FZD7: variants seen among roughly 807,000 people sequenced by gnomAD.
The protein encoded by FZD7 is frizzled-7.
Under a neutral mutation model 39.0 loss-of-function variants are expected in FZD7, and 21 were observed. The ratio of observed to expected loss-of-function variants is 0.54; its 90% confidence interval spans 0.38 to 0.78. The LOEUF (loss-of-function observed/expected upper bound fraction) is 0.78. Among genes scored for constraint, FZD7 ranks in the 30% least tolerant of loss-of-function variants. The probability of loss-of-function intolerance (pLI) is 0.00; values close to 1 mark genes in which losing one functional copy is unlikely to be tolerated. For synonymous variants in FZD7, 428 were observed against 364.9 expected (o/e 1.17, Z -1.97); for missense variants, 695 against 805.0 (o/e 0.86, Z 1.65).
chr2:202,035,986 C>T lies in FZD7; in HGVS notation c.1339C>T (p.Leu447Phe), dbSNP rs1370906276. 2.5e-6 allele frequency: 4 copies of T among 1,614,216 alleles called. No homozygotes were observed. The highest frequency in any genetic ancestry group is 3.4e-6 in the Non-Finnish European group (4 of 1,180,050). The change falls in exon 1 of 1, where the codon CTC becomes TTC. Residue 447 changes from leucine (L) to phenylalanine (F), a missense_variant. By Grantham distance (22) the Leu-to-Phe change is conservative. Transcript: ENST00000286201. ...TSFLLAGFVSLFRIRTIMKHD... is the reference protein window; with the variant it reads ...TSFLLAGFVSFFRIRTIMKHD... Reference sequence around the variant, plus strand: ...CTTCTTGCTGGCCGGCTTCGTGTCCCTCTTCCGTATCCGCACCATCATGAA... The same window carrying T: ...CTTCTTGCTGGCCGGCTTCGTGTCCTTCTTCCGTATCCGCACCATCATGAA...
At position 202,035,300 on chromosome 2, in the gene FZD7, C is replaced by T. The variant is rs1396791730; in HGVS notation, c.653C>T (p.Pro218Leu). 10 of 1,609,202 alleles carry T rather than the reference C, an allele frequency of 6.2e-6. No homozygotes were observed. Among genetic ancestry groups the T allele is most frequent in the Middle Eastern group, 1.7e-4 (1 of 6,056 alleles). The change falls in exon 1 of 1, where the codon CCG becomes CTG. Residue 218 changes from proline to leucine, a missense_variant. Pro to Leu is a moderately conservative substitution (Grantham distance 98). Transcript: ENST00000286201. ...TGCCCCCGTCAGCTCAAGGTGCCCC[C>T]GTACCTGGGCTACCGCTTCCTGGGT... ...FSCPRQLKVPPYLGYRFLGER... is the reference protein window; with the variant it reads ...FSCPRQLKVPLYLGYRFLGER...
rs1688779359 is a variant in FZD7, at chr2:202,038,314, C to T, written c.*1942C>T. ...ACAGTATGTATATTTTGTAAATCTC[C>T]CATTTTTGTAAGAAAATATATATTG... is the stretch of plus-strand genomic sequence containing the variant. On this transcript the variant is annotated 3_prime_UTR_variant, in exon 1 of 1. Transcript: ENST00000286201. 6.0e-6 allele frequency: 1 copy of T among 166,822 alleles called. No individual in the cohort carries two copies. Among genetic ancestry groups the T allele is most frequent in the African/African-American group, 2.4e-5 (1 of 41,416 alleles). The allele number at this position is 166,822 out of a possible 1,614,324, so 10.3% of individuals were successfully genotyped here. A position where few individuals can be genotyped will look rare whatever the true frequency, so the allele number is the denominator to read the frequency against.
chr2:202,036,240 G>A lies in FZD7; in HGVS notation c.1593G>A (p.Met531Ile), dbSNP rs1190426799. 1 of 1,613,366 alleles carries A rather than the reference G, an allele frequency of 6.2e-7. No individual in the cohort carries two copies. ...PPMSPDFTVF[M>I]IKYLMTMIVG... is the part of the protein sequence containing the mutation. ...TGAGCCCCGACTTCACCGTCTTCATGATCAAGTACCTGATGACCATGATCG... is the reference window on the plus strand; with the variant it reads ...TGAGCCCCGACTTCACCGTCTTCATAATCAAGTACCTGATGACCATGATCG... The change falls in exon 1 of 1, where the codon ATG (methionine) becomes ATA (isoleucine). Residue 531 changes from methionine to isoleucine, a missense_variant. Transcript: ENST00000286201.
Position 202,035,285 on chromosome 2 carries a change from A to T in FZD7, c.638A>T (p.Gln213Leu). The T allele has an allele frequency of 1.2e-6, 2 of 1,607,554 alleles. No homozygotes were observed. The highest frequency in any genetic ancestry group is 1.7e-6 in the Non-Finnish European group (2 of 1,179,182). Residue 213 changes from glutamine to leucine, a missense_variant, in exon 1 of 1, where the codon CAG (glutamine) becomes CTG (leucine). By Grantham distance (113) the Gln-to-Leu change is moderately radical. Coordinates refer to ENST00000286201, the MANE Select transcript of FZD7 (RefSeq NM_003507.2). ...RPAFPFSCPR[Q>L]LKVPPYLGYR... ...GCCTTCCCCTTCTCATGCCCCCGTC[A>T]GCTCAAGGTGCCCCCGTACCTGGGC...
In FZD7 at chr2:202,036,398, AC is replaced by A; in HGVS notation, c.*30del. 6.4e-7 allele frequency: 1 copy of A among 1,550,834 alleles called. No homozygotes were observed. Among genetic ancestry groups the A allele is most frequent in the Non-Finnish European group, 8.8e-7 (1 of 1,136,890 alleles). On this transcript the variant is annotated 3_prime_UTR_variant, in exon 1 of 1. Coordinates refer to ENST00000286201, the MANE Select transcript of FZD7 (RefSeq NM_003507.2). ...GCCCCGGCCCCTCCCCACCTTTCCC[AC>A]CCCAGCCCTCTTGCAAGAGGAGAGG...
Position 202,036,358 on chromosome 2 carries a change from G to GA in FZD7, c.1712dup (p.Thr572AspfsTer45), listed in dbSNP as rs1291292693. The GA allele has an allele frequency of 6.2e-7, 1 of 1,611,148 alleles. No individual in the cohort carries two copies. The highest frequency in any genetic ancestry group is 1.3e-5 in the African/African-American group (1 of 74,898). On this transcript the variant is annotated frameshift_variant, in exon 1 of 1. Coordinates refer to ENST00000286201, the MANE Select transcript of FZD7 (RefSeq NM_003507.2). LOFTEE classifies it high-confidence loss of function. The stretch of plus-strand genomic sequence containing the variant: ...CAGACTTAGCCACAGCAGCAAGGGG[G>GA]AGACTGCGGTATGAGCCCCGGCCCC...
rs1470170725 is a variant in FZD7 at position 202,038,101 on chromosome 2, GTTACT to G, written c.*1733_*1737del. 11 of 166,944 alleles carry G rather than the reference GTTACT, an allele frequency of 6.6e-5. No individual in the cohort carries two copies. The highest frequency in any genetic ancestry group is 1.6e-4 in the Non-Finnish European group (11 of 68,084). 10.3% of individuals were successfully genotyped at this position (166,944 alleles called of 1,614,324 possible). On this transcript the variant is annotated 3_prime_UTR_variant, in exon 1 of 1. Transcript: ENST00000286201. ...ATAGAGGGTACTGTAAAGTGTACAA[GTTACT>G]TTATATATGTAATGTTCACTTGAGT...
chr2:202,038,134 A>T lies in FZD7; in HGVS notation c.*1762A>T, dbSNP rs33976811. 2,534 of 160,468 alleles carry T rather than the reference A, an allele frequency of 0.016. 32 individuals carry two copies. Among genetic ancestry groups the T allele is most frequent in the Non-Finnish European group, 0.029 (1,899 of 65,266 alleles). The allele number at this position is 160,468 out of a possible 1,614,324, so 9.9% of individuals were successfully genotyped here. A position where few individuals can be genotyped will look rare whatever the true frequency, so the allele number is the denominator to read the frequency against. On this transcript the variant is annotated 3_prime_UTR_variant, in exon 1 of 1. Coordinates refer to ENST00000286201, the MANE Select transcript of FZD7 (RefSeq NM_003507.2). The stretch of plus-strand genomic sequence containing the variant: ...ATATATGTAATGTTCACTTGAGTGG[A>T]ACTGCTTTTTACATTAAAGTTAAAA...
rs565338234 is a variant in FZD7, at chr2:202,033,878, G to GGGCGGCGGCGGCGGCGGCGGCGGC, written c.-767_-744dup. On this transcript the variant is annotated 5_prime_UTR_variant, in exon 1 of 1. Transcript: ENST00000286201. The stretch of plus-strand genomic sequence containing the variant: ...GCGTTAGTCGGCGCTCACTCCCGGC[G>GGGCGGCGGCGGCGGCGGCGGCGGC]GGCGGCGGCGGCGGCGGCGGCGGCG... 6.6e-6 allele frequency among the ~76,000 whole-genome samples: 1 copy of GGGCGGCGGCGGCGGCGGCGGCGGC among 150,440 alleles called. No homozygotes were observed. The highest frequency in any genetic ancestry group is 1.5e-5 in the Non-Finnish European group (1 of 67,372).
Position 202,036,129 on chromosome 2 carries a change from C to T in FZD7, c.1482C>T (p.Ala494=), listed in dbSNP as rs763985883. ...TGGCCTGCTACTTCTACGAGCAGGC[C>T]TTCCGCGAGCACTGGGAGCGCACCT... is the stretch of plus-strand genomic sequence containing the variant. ...IVLACYFYEQ[A]FREHWERTWL... Residue 494 remains alanine (A), a synonymous_variant, in exon 1 of 1, where the codon GCC becomes GCT. Transcript: ENST00000286201. 5.7e-5 allele frequency: 92 copies of T among 1,613,748 alleles called. No homozygotes were observed. Among genetic ancestry groups the T allele is most frequent in the Non-Finnish European group, 7.2e-5 (85 of 1,180,056 alleles).
chr2:202,035,377 T>C lies in FZD7; in HGVS notation c.730T>C (p.Tyr244His), dbSNP rs1688721662. ...ACCGGGCCGTGCCAACGGCCTGATG[T>C]ACTTTAAGGAGGAGGAGAGGCGCTT... ...CEPGRANGLM[Y>H]FKEEERRFAR... Residue 244 changes from tyrosine to histidine, a missense_variant, in exon 1 of 1, where the codon TAC becomes CAC. Coordinates refer to ENST00000286201, the MANE Select transcript of FZD7 (RefSeq NM_003507.2). The C allele has an allele frequency of 1.9e-6, 3 of 1,613,194 alleles. No homozygotes were observed. The highest frequency in any genetic ancestry group is 2.5e-6 in the Non-Finnish European group (3 of 1,179,958).
Position 202,035,703 on chromosome 2 carries a change from C to T in FZD7, c.1056C>T (p.Ile352=). 6.2e-7 allele frequency: 1 copy of T among 1,614,054 alleles called. No individual in the cohort carries two copies. The highest frequency in any genetic ancestry group is 1.1e-5 in the South Asian group (1 of 91,082). Reference sequence around the variant, plus strand: ...ACTTCTTCGGCATGGCCAGCTCCATCTGGTGGGTCATTCTGTCTCTCACTT... The same window carrying T: ...ACTTCTTCGGCATGGCCAGCTCCATTTGGTGGGTCATTCTGTCTCTCACTT... The part of the protein sequence containing the change: ...VLYFFGMASS[I]WWVILSLTWF... The change falls in exon 1 of 1, where the codon ATC becomes ATT. Residue 352 remains isoleucine, a synonymous_variant. Transcript: ENST00000286201.
Position 202,035,423 on chromosome 2 carries a change from T to C in FZD7, c.776T>C (p.Val259Ala). 6.2e-7 allele frequency: 1 copy of C among 1,613,796 alleles called. No homozygotes were observed. Among genetic ancestry groups the C allele is most frequent in the Non-Finnish European group, 8.5e-7 (1 of 1,179,906 alleles). The change falls in exon 1 of 1, where the codon GTG becomes GCG. Residue 259 changes from valine to alanine, a missense_variant. Coordinates refer to ENST00000286201, the MANE Select transcript of FZD7 (RefSeq NM_003507.2). ...ERRFARLWVG[V>A]WSVLCCASTL... ...CGCTTCGCCCGCCTCTGGGTGGGCG[T>C]GTGGTCCGTGCTGTGCTGCGCCTCG...
Position 202,037,237 on chromosome 2 carries a change from T to G in FZD7, c.*865T>G, listed in dbSNP as rs1688761722. On this transcript the variant is annotated 3_prime_UTR_variant, in exon 1 of 1. Transcript: ENST00000286201. ...AGGAATGCATTTTTCCCCTTGTCTT[T>G]GTTGTAAGAGACAAAAGAGGAAACA... The G allele has an allele frequency of 6.0e-6, 1 of 167,134 alleles. No individual in the cohort carries two copies. The highest frequency in any genetic ancestry group is 2.1e-4 in the South Asian group (1 of 4,836). The allele number at this position is 167,134 out of a possible 1,614,324, so 10.4% of individuals were successfully genotyped here.
In FZD7 at chr2:202,038,376, G is replaced by GGCTTTTGAAT. The variant is rs1475801433; in HGVS notation, c.*2009_*2010insTGAATGCTTT. On this transcript the variant is annotated 3_prime_UTR_variant, in exon 1 of 1. Coordinates refer to ENST00000286201, the MANE Select transcript of FZD7 (RefSeq NM_003507.2). The stretch of plus-strand genomic sequence containing the variant: ...TTTTACTTTGGATTTTTGTTTTGTT[G>GGCTTTTGAAT]GCTTTAAAGGTCTACCCCACTTTAT... The GGCTTTTGAAT allele has an allele frequency of 6.1e-6, 1 of 164,474 alleles. No homozygotes were observed. Among genetic ancestry groups the GGCTTTTGAAT allele is most frequent in the Non-Finnish European group, 1.5e-5 (1 of 68,040 alleles). 10.2% of individuals were successfully genotyped at this position (164,474 alleles called of 1,614,324 possible).
Position 202,035,149 on chromosome 2 carries a change from G to A in FZD7, c.502G>A (p.Gly168Ser). Residue 168 changes from glycine to serine, a missense_variant, in exon 1 of 1, where the codon GGC (glycine) becomes AGC (serine). By Grantham distance (56) the Gly-to-Ser change is moderately conservative (BLOSUM62 0). Coordinates refer to ENST00000286201, the MANE Select transcript of FZD7 (RefSeq NM_003507.2). The part of the protein sequence containing the change: ...EICVGQNTSD[G>S]SGGPGGGPTA... Reference sequence around the variant, plus strand: ...CTGCGTGGGCCAGAACACGTCGGACGGCTCCGGGGGCCCAGGCGGCGGCCC... The same window carrying A: ...CTGCGTGGGCCAGAACACGTCGGACAGCTCCGGGGGCCCAGGCGGCGGCCC... 6 of 1,603,370 alleles carry A rather than the reference G, an allele frequency of 3.7e-6. No individual in the cohort carries two copies. Among genetic ancestry groups the A allele is most frequent in the African/African-American group, 2.7e-5 (2 of 75,018 alleles).
In FZD7 at chr2:202,034,803, C is replaced by T. The variant is rs747886700; in HGVS notation, c.156C>T (p.Ile52=). 9 of 1,613,412 alleles carry T rather than the reference C, an allele frequency of 5.6e-6. No individual in the cohort carries two copies. The South Asian group carries it at 8.8e-5, about 16-fold the overall frequency. ...CGGACCACGGCTTCTGCCAGCCCAT[C>T]TCCATCCCGCTGTGCACGGACATCG... is the stretch of plus-strand genomic sequence containing the variant. The part of the protein sequence containing the change: ...SVPDHGFCQP[I]SIPLCTDIAY... Residue 52 remains isoleucine, a synonymous_variant, in exon 1 of 1, where the codon ATC becomes ATT. Coordinates refer to ENST00000286201, the MANE Select transcript of FZD7 (RefSeq NM_003507.2).
chr2:202,037,656 G>C lies in FZD7; in HGVS notation c.*1284G>C, dbSNP rs1338844219. On this transcript the variant is annotated 3_prime_UTR_variant, in exon 1 of 1. Transcript: ENST00000286201. Reference sequence around the variant, plus strand: ...GTCTTCAGCCTCATAATAAAGGAAAGTTAATTAAAAAAAAAAAGCAAAGAG... The same window carrying C: ...GTCTTCAGCCTCATAATAAAGGAAACTTAATTAAAAAAAAAAAGCAAAGAG... The C allele has an allele frequency of 6.1e-6, 1 of 164,776 alleles. No individual in the cohort carries two copies. Among genetic ancestry groups the C allele is most frequent in the African/African-American group, 2.5e-5 (1 of 40,156 alleles). The allele number at this position is 164,776 out of a possible 1,614,324, so 10.2% of individuals were successfully genotyped here. A position where few individuals can be genotyped will look rare whatever the true frequency, so the allele number is the denominator to read the frequency against.
chr2:202,035,200 C>G lies in FZD7; in HGVS notation c.553C>G (p.Leu185Val), dbSNP rs748736397. The change falls in exon 1 of 1, where the codon CTG becomes GTG. Residue 185 changes from leucine (L) to valine (V), a missense_variant. Coordinates refer to ENST00000286201, the MANE Select transcript of FZD7 (RefSeq NM_003507.2). ...GPTAYPTAPY[L>V]PDLPFTALPP... The stretch of plus-strand genomic sequence containing the variant: ...CACTGCCTACCCTACCGCGCCCTAC[C>G]TGCCGGACCTGCCCTTCACCGCGCT... The G allele has an allele frequency of 7.5e-6, 12 of 1,599,852 alleles. No homozygotes were observed. The Admixed American group carries it at 2.0e-4, about 27-fold the overall frequency.
Sources: gnomAD v4.1 joint callset for allele counts (sites outside exome capture counted in the v4.1 genomes callset) on GRCh38, gnomAD v4.1.1 for gene constraint, MANE v1.5 for transcripts, NCBI Gene and HGNC (gene_info 2026-07-23, HGNC 2026-07-21) for gene names.